Variants in GMDS observed in about 807,000 individuals in gnomAD.
The protein encoded by GMDS is GDP-mannose 4,6 dehydratase.
A neutral mutation model predicts 49.9 loss-of-function variants in GMDS; 20 were observed. The ratio of observed to expected loss-of-function variants is 0.40; its 90% CI spans 0.28 to 0.58. The LOEUF is 0.58. Among genes scored for constraint, GMDS ranks in the 20% least tolerant of loss-of-function variants. GMDS has a pLI of 0.42. For synonymous variants in GMDS, 177 were observed against 178.6 expected, an observed-to-expected ratio of 0.99 and a Z score of 0.07; for missense variants, 362 against 481.4, an observed-to-expected ratio of 0.75 and a Z score of 2.32.
At chr6:1,779,820 C>T (rs931963677) in intron 7 of GMDS, among the ~76,000 whole-genome samples, 7 of 152,210 alleles carry the variant, frequency 4.6e-5, no homozygotes, top group Admixed American at 1.3e-4. Context: ...GTCTGTGTTT[C>T]GAGTGCACAG....
intron 4 of GMDS, among the ~76,000 whole-genome samples, chr6:2,024,148 A>G (rs1251037895): frequency 6.6e-6 from 1 of 152,210 alleles, no homozygotes; most frequent in Admixed American, 6.5e-5. Flanking sequence ...AGATAATAGG[A>G]TATTTTCATA....
chr6:2,028,596 A>G (rs1330647028), intron 4 of GMDS, among the ~76,000 whole-genome samples: 1 of 152,208 alleles, frequency 6.6e-6, no homozygotes, highest in African/African-American at 2.4e-5. Flanking sequence ...TCTTGTAACG[A>G]AAGAGGAAGC....
chr6:2,211,152 G>A (rs1780045151), intron 1 of GMDS, among the ~76,000 whole-genome samples: 1 of 152,180 alleles, frequency 6.6e-6, no homozygotes, highest in African/African-American at 2.4e-5. Context: ...CTTTATAGCA[G>A]TGTGAGAACG....
intron 4 of GMDS, among the ~76,000 whole-genome samples, chr6:2,050,866 A>T (rs1163481175): frequency 6.6e-6 from 1 of 152,212 alleles, no homozygotes; most frequent in Non-Finnish European, 1.5e-5. Context: ...CTAGGTATTG[A>T]TGGAAAACAC....
intron 7 of GMDS, among the ~76,000 whole-genome samples, chr6:1,743,891 T>C (rs1767384386): frequency 1.3e-5 from 2 of 151,970 alleles, no homozygotes; most frequent in South Asian, 2.1e-4. Flanking sequence ...CTTCTCAAAA[T>C]AAAATAGGTA....
chr6:2,044,950 C>T (rs1251819379), intron 4 of GMDS, among the ~76,000 whole-genome samples: 1 of 151,810 alleles, frequency 6.6e-6, no homozygotes, highest in Non-Finnish European at 1.5e-5. Flanking sequence ...AACTATCTCA[C>T]CTTTTTCAAA....
chr6:2,048,079 T>G (rs980509891), intron 4 of GMDS, among the ~76,000 whole-genome samples: 5 of 152,224 alleles, frequency 3.3e-5, no homozygotes, highest in African/African-American at 1.2e-4. Flanking sequence ...CCATTATTCA[T>G]GTGTACACAT....
intron 9 of GMDS, among the ~76,000 whole-genome samples, chr6:1,665,133 A>G (rs1021116371): frequency 2.6e-5 from 4 of 152,226 alleles, no homozygotes; most frequent in African/African-American, 7.2e-5. Context: ...GTTCTAGGGT[A>G]CATGTGCACA....
At chr6:1,905,922 C>A in intron 7 of GMDS, among the ~76,000 whole-genome samples, 1 of 151,554 alleles carries the variant, frequency 6.6e-6, no homozygotes. Flanking sequence ...ATGCAGGTGT[C>A]CCTGAGAAGG....
chr6:2,154,862 G>GAAAAAAAAAA (rs1562103386), intron 1 of GMDS, among the ~76,000 whole-genome samples: 13 of 33,826 alleles, frequency 3.8e-4, no homozygotes, highest in African/African-American at 9.1e-4. Context: ...TTGAAGAGAT[G>GAAAAAAAAAA]CAAAAAAAAA....
intron 1 of GMDS, among the ~76,000 whole-genome samples, chr6:2,221,300 T>A (rs982937466): frequency 2.6e-5 from 4 of 152,240 alleles, no homozygotes; most frequent in Non-Finnish European, 5.9e-5. Flanking sequence ...TATCCATCTG[T>A]TTTGACTTCA....
At chr6:2,085,173 A>G (rs1772940487) in intron 4 of GMDS, among the ~76,000 whole-genome samples, 1 of 152,198 alleles carries the variant, frequency 6.6e-6, no homozygotes, top group Non-Finnish European at 1.5e-5. Flanking sequence ...CAAAAAAAAA[A>G]ATTATTTTTC....
At chr6:1,990,879 C>T (rs530353141) in intron 4 of GMDS, among the ~76,000 whole-genome samples, 21 of 152,188 alleles carry the variant, frequency 1.4e-4, no homozygotes, top group East Asian at 9.7e-4. Flanking sequence ...CCTCCGTGCC[C>T]GGCCAACTGT....
chr6:1,756,669 G>A (rs1260669121), intron 7 of GMDS, among the ~76,000 whole-genome samples: 1 of 152,236 alleles, frequency 6.6e-6, no homozygotes, highest in Non-Finnish European at 1.5e-5. Context: ...GGCCAAGGCG[G>A]ACTGACTGGG....
intron 9 of GMDS, among the ~76,000 whole-genome samples, chr6:1,718,315 A>G (rs890623634): frequency 6.6e-6 from 1 of 152,102 alleles, no homozygotes; most frequent in Non-Finnish European, 1.5e-5. Flanking sequence ...CGGGAGTGTG[A>G]CGGAACACCT....
At chr6:2,229,151 C>T (rs1165572493) in intron 1 of GMDS, among the ~76,000 whole-genome samples, 1 of 152,200 alleles carries the variant, frequency 6.6e-6, no homozygotes, top group Non-Finnish European at 1.5e-5. Flanking sequence ...TGCCCGCATC[C>T]AGTCTGGTAT....
chr6:2,041,301 C>T (rs1030128760), intron 4 of GMDS, among the ~76,000 whole-genome samples: 2 of 151,954 alleles, frequency 1.3e-5, no homozygotes, highest in Non-Finnish European at 2.9e-5. Context: ...ATAGGTATGC[C>T]CAAAAAATGG....
chr6:2,137,483 G>A lies in GMDS; in HGVS notation c.103-12752C>T, dbSNP rs542173520. Among the ~76,000 whole-genome samples the A allele has an allele frequency of 1.6e-4, 25 of 152,130 alleles. No homozygotes were observed. The East Asian group carries it at 4.3e-3, about 26-fold the overall frequency. On this transcript the variant is annotated intron_variant, in intron 1 of 10. Coordinates refer to ENST00000380815, the MANE Select transcript of GMDS (RefSeq NM_001500.4). ...CGAGTAGCTGGGATTACAGGCATGC[G>A]TCACCATACCCGGCTAATTTTGTAT...
At chr6:2,019,223 C>T (rs1289679980) in intron 4 of GMDS, among the ~76,000 whole-genome samples, 1 of 151,246 alleles carries the variant, frequency 6.6e-6, no homozygotes, top group East Asian at 1.9e-4. Context: ...CATCTATATA[C>T]AATATAAGAT....
Sources: gnomAD v4.1 joint callset for allele counts (sites outside exome capture counted in the v4.1 genomes callset) on GRCh38, gnomAD v4.1.1 for gene constraint, MANE v1.5 for transcripts, NCBI Gene and HGNC (gene_info 2026-07-23, HGNC 2026-07-21) for gene names.